OXR1: variants seen among roughly 807,000 people sequenced by gnomAD.
The protein encoded by OXR1 is oxidation resistance 1.
A neutral mutation model predicts 104.6 loss-of-function variants in OXR1; 41 were observed. That is an observed-to-expected ratio of 0.39 (90% CI 0.31 to 0.51). OXR1 has a LOEUF of 0.51. Ranked by LOEUF, OXR1 falls within the 20% of genes least tolerant of loss-of-function variation. The pLI is 0.77. For synonymous variants in OXR1, 348 were observed against 348.4 expected (o/e 1.00, Z 0.01); for missense variants, 955 against 1,031.9 (o/e 0.93, Z 1.02).
At chr8:106,725,546 A>G (rs926271237) in intron 11 of OXR1, among the ~76,000 whole-genome samples, 1 of 152,234 alleles carries the variant, frequency 6.6e-6, no homozygotes, top group African/African-American at 2.4e-5. Context: ...GGCATAGTGA[A>G]TATAACTACC....
At chr8:106,417,870 T>G (rs904854817) in intron 2 of OXR1, among the ~76,000 whole-genome samples, 2 of 152,176 alleles carry the variant, frequency 1.3e-5, no homozygotes, top group Non-Finnish European at 2.9e-5. Flanking sequence ...TATGGGTGAC[T>G]GCAAGGAAAG....
intron 2 of OXR1, among the ~76,000 whole-genome samples, chr8:106,484,448 T>C (rs1049538320): frequency 1.3e-5 from 2 of 152,040 alleles, no homozygotes; most frequent in Non-Finnish European, 2.9e-5. Context: ...GTATTCATAA[T>C]AATTAAAATC....
At chr8:106,645,146 A>T (rs1039803867) in intron 3 of OXR1, among the ~76,000 whole-genome samples, 1 of 152,214 alleles carries the variant, frequency 6.6e-6, no homozygotes, top group East Asian at 1.9e-4. Context: ...ATGTGCTTAC[A>T]TATCATGCAG....
intron 2 of OXR1, among the ~76,000 whole-genome samples, chr8:106,415,712 A>G (rs890095131): frequency 6.6e-6 from 1 of 152,084 alleles, no homozygotes; most frequent in Non-Finnish European, 1.5e-5. Flanking sequence ...TTCTACTCAC[A>G]CTTATTGCTT....
chr8:106,496,791 C>T (rs16874768), intron 2 of OXR1, among the ~76,000 whole-genome samples: 65,033 of 152,072 alleles, frequency 0.43, 16,894 homozygotes, highest in Non-Finnish European at 0.57. Context: ...TACAGTCGCA[C>T]TTATGATTCC....
chr8:106,411,980 C>T (rs1211129942), intron 2 of OXR1, among the ~76,000 whole-genome samples: 1 of 152,142 alleles, frequency 6.6e-6, no homozygotes, highest in Non-Finnish European at 1.5e-5. Flanking sequence ...ATTTTCTTAT[C>T]CCCAGCTTCT....
intron 3 of OXR1, among the ~76,000 whole-genome samples, chr8:106,580,595 G>A (rs950741621): frequency 9.9e-4 from 151 of 152,100 alleles, no homozygotes; most frequent in African/African-American, 3.5e-3. Context: ...CAAGAACTGA[G>A]ATTATCGGAT....
chr8:106,463,017 G>C (rs1022308912), intron 2 of OXR1, among the ~76,000 whole-genome samples: 2 of 152,052 alleles, frequency 1.3e-5, no homozygotes, highest in African/African-American at 4.8e-5. Flanking sequence ...CTGAGGTTCA[G>C]AGGGTTTAAA....
chr8:106,616,188 C>T (rs982242817), intron 3 of OXR1, among the ~76,000 whole-genome samples: 1 of 150,094 alleles, frequency 6.7e-6, no homozygotes, highest in Non-Finnish European at 1.5e-5. Flanking sequence ...ACTACAGGTG[C>T]CCGCCACCAT....
intron 3 of OXR1, among the ~76,000 whole-genome samples, chr8:106,651,967 G>A (rs1204056992): frequency 3.3e-5 from 5 of 151,938 alleles, no homozygotes; most frequent in Non-Finnish European, 7.4e-5. Context: ...TAAATGTCTT[G>A]CTCCTCCTTG....
chr8:106,739,348 AT>A (rs2131566980), intron 12 of OXR1, 109 bp from the exon 13 acceptor site: 2 of 966,070 alleles, frequency 2.1e-6, no homozygotes, highest in African/African-American at 1.6e-5. Flanking sequence ...AAGGTTAAAG[AT>A]TTAGCCACAT....
chr8:106,565,605 T>C (rs1241960914), intron 3 of OXR1, among the ~76,000 whole-genome samples: 1 of 152,282 alleles, frequency 6.6e-6, no homozygotes, highest in South Asian at 2.1e-4. Flanking sequence ...ATTGACTTTC[T>C]TCACAGAATT....
At chr8:106,714,785 A>G (rs893520195) in intron 11 of OXR1, among the ~76,000 whole-genome samples, 5 of 152,110 alleles carry the variant, frequency 3.3e-5, no homozygotes, top group South Asian at 2.1e-4. Context: ...TTGGGTGTTA[A>G]TGTTTGTGGC....
intron 6 of OXR1, among the ~76,000 whole-genome samples, chr8:106,690,757 C>T (rs1220292629): frequency 4.0e-5 from 6 of 151,602 alleles, no homozygotes; most frequent in South Asian, 2.1e-4. Flanking sequence ...TGGCAATCAT[C>T]GTATATATTG....
chr8:106,636,718 C>G (rs1434251674), intron 3 of OXR1, among the ~76,000 whole-genome samples: 2 of 146,262 alleles, frequency 1.4e-5, no homozygotes, highest in Admixed American at 6.9e-5. Flanking sequence ...TTTCTTTAAA[C>G]GAATACCTAT....
intron 2 of OXR1, among the ~76,000 whole-genome samples, chr8:106,370,730 C>T (rs1431670887): frequency 6.6e-6 from 1 of 152,210 alleles, no homozygotes. Flanking sequence ...ACTAGACTTG[C>T]TTCCAAGGGA....
intron 2 of OXR1, among the ~76,000 whole-genome samples, chr8:106,390,978 A>C (rs1817567637): frequency 6.6e-6 from 1 of 152,312 alleles, no homozygotes; most frequent in African/African-American, 2.4e-5. Flanking sequence ...ACAAGAAGAG[A>C]AATTCAGTGT....
intron 1 of OXR1, among the ~76,000 whole-genome samples, chr8:106,274,956 A>G (rs1049348273): frequency 6.6e-6 from 1 of 152,254 alleles, no homozygotes. Flanking sequence ...TGTAAATTCA[A>G]TAAGCATTTG....
chr8:106,299,933 G>C (rs1453940127), intron 1 of OXR1, among the ~76,000 whole-genome samples: 4 of 152,200 alleles, frequency 2.6e-5, no homozygotes, highest in Admixed American at 1.3e-4. Context: ...GAGTGCTTGG[G>C]ACCATAGTTA....
Sources: gnomAD v4.1 joint callset for allele counts (sites outside exome capture counted in the v4.1 genomes callset) on GRCh38, gnomAD v4.1.1 for gene constraint, MANE v1.5 for transcripts, NCBI Gene and HGNC (gene_info 2026-07-23, HGNC 2026-07-21) for gene names.